Variants in CLYBL observed in about 807,000 individuals in gnomAD.
CLYBL encodes citramalyl-CoA lyase, also known as citramalyl-CoA lyase, mitochondrial.
A neutral mutation model predicts 38.9 loss-of-function variants in CLYBL; 31 were observed. That is an observed-to-expected ratio of 0.80 (90% confidence interval 0.60 to 1.08). The LOEUF is 1.08. Ranked by LOEUF, CLYBL falls within the 50% of genes least tolerant of loss-of-function variation. The pLI, the probability that CLYBL is intolerant of heterozygous loss-of-function variation, is 0.00. For missense variants in CLYBL, 434 were observed against 411.6 expected (o/e 1.05, Z -0.47); for synonymous variants, 171 against 158.6 (o/e 1.08, Z -0.59).
At chr13:99,726,083 TCA>T (rs2048467937) in intron 1 of CLYBL, among the ~76,000 whole-genome samples, 1 of 152,238 alleles carries the variant, frequency 6.6e-6, no homozygotes, top group African/African-American at 2.4e-5. Flanking sequence ...AGAATTAATT[TCA>T]GAGTATGTTT....
intron 2 of CLYBL, among the ~76,000 whole-genome samples, chr13:99,842,584 A>G (rs1284209449): frequency 5.3e-5 from 8 of 152,152 alleles, no homozygotes; most frequent in African/African-American, 1.2e-4. Context: ...CCAGTCCTCA[A>G]TGTGGTCAGA....
intron 1 of CLYBL, among the ~76,000 whole-genome samples, chr13:99,729,868 C>T (rs745915044): frequency 6.6e-6 from 1 of 151,366 alleles, no homozygotes; most frequent in Non-Finnish European, 1.5e-5. Context: ...CCGCCAGCCT[C>T]GGCACCGCTT....
At chr13:99,649,262 C>G (rs1006493144) in intron 1 of CLYBL, among the ~76,000 whole-genome samples, 2 of 152,122 alleles carry the variant, frequency 1.3e-5, no homozygotes, top group Non-Finnish European at 2.9e-5. Flanking sequence ...CTGTGTTGTA[C>G]TATTAATAGC....
intron 1 of CLYBL, among the ~76,000 whole-genome samples, chr13:99,710,847 G>T (rs149751982): frequency 2.7e-5 from 4 of 149,552 alleles, no homozygotes; most frequent in African/African-American, 9.8e-5. Flanking sequence ...TCAAGCTATC[G>T]ACAAGTCTCC....
At chr13:99,807,712 C>T (rs114401457) in intron 2 of CLYBL, among the ~76,000 whole-genome samples, 322 of 151,878 alleles carry the variant, frequency 2.1e-3, no homozygotes, top group African/African-American at 7.2e-3. Context: ...TGGTGATGGA[C>T]GGTGGTGATG....
intron 1 of CLYBL, among the ~76,000 whole-genome samples, chr13:99,683,865 A>G (rs897493786): frequency 2.0e-5 from 3 of 150,198 alleles, no homozygotes; most frequent in Non-Finnish European, 4.4e-5. Context: ...TGCTATATAT[A>G]TATAAAATTT....
chr13:99,750,728 C>CT (rs1555299689), intron 1 of CLYBL, among the ~76,000 whole-genome samples: 50,502 of 123,420 alleles, frequency 0.41, 9,414 homozygotes, highest in Middle Eastern at 0.55. Flanking sequence ...ATAATGCCCT[C>CT]TTTTTTTAAA....
intron 2 of CLYBL, among the ~76,000 whole-genome samples, chr13:99,794,023 C>G (rs2049972152): frequency 1.3e-5 from 2 of 152,322 alleles, no homozygotes; most frequent in South Asian, 2.1e-4. Flanking sequence ...GTTACTTATT[C>G]CAAATATAGC....
At chr13:99,754,796 G>A (rs1040549027) in intron 1 of CLYBL, among the ~76,000 whole-genome samples, 1 of 141,762 alleles carries the variant, frequency 7.1e-6, no homozygotes, top group African/African-American at 2.6e-5. Flanking sequence ...GTTTTACCGT[G>A]TTGGCCAGAC....
chr13:99,839,718 A>T (rs1297960665), intron 2 of CLYBL, among the ~76,000 whole-genome samples: 1 of 151,974 alleles, frequency 6.6e-6, no homozygotes, highest in African/African-American at 2.4e-5. Flanking sequence ...AGGTATATAT[A>T]TATTTATGGG....
intron 2 of CLYBL, among the ~76,000 whole-genome samples, chr13:99,855,337 CT>C (rs2051434904): frequency 6.6e-6 from 1 of 152,146 alleles, no homozygotes; most frequent in Admixed American, 6.5e-5. Context: ...CCTTAATTTC[CT>C]TTTTCTCCTT....
At chr13:99,713,830 C>A (rs1035614229) in intron 1 of CLYBL, among the ~76,000 whole-genome samples, 5 of 150,638 alleles carry the variant, frequency 3.3e-5, no homozygotes, top group Non-Finnish European at 7.4e-5. Flanking sequence ...ACTACAGGCA[C>A]AAGACAGTAT....
chr13:99,662,037 G>A (rs2047416011), intron 1 of CLYBL, among the ~76,000 whole-genome samples: 1 of 152,148 alleles, frequency 6.6e-6, no homozygotes, highest in Non-Finnish European at 1.5e-5. Context: ...GGAATTTATT[G>A]GGAGACCAAT....
intron 1 of CLYBL, among the ~76,000 whole-genome samples, chr13:99,675,112 A>G (rs1463919433): frequency 6.6e-6 from 1 of 152,200 alleles, no homozygotes; most frequent in Non-Finnish European, 1.5e-5. Context: ...GACCTTGACA[A>G]GAGCAGATTT....
chr13:99,879,284 C>G (rs1330915162), intron 7 of CLYBL, among the ~76,000 whole-genome samples: 1 of 152,162 alleles, frequency 6.6e-6, no homozygotes, highest in Non-Finnish European at 1.5e-5. Context: ...TTCATCCTGC[C>G]TTTGTAAAAA....
downstream of CLYBL, among the ~76,000 whole-genome samples, chr13:99,898,385 C>T (rs2052606537): frequency 6.6e-6 from 1 of 152,166 alleles, no homozygotes; most frequent in Non-Finnish European, 1.5e-5. Flanking sequence ...CTTTTGAGTT[C>T]TGTGAAAGGA....
At chr13:99,868,274 G>A (rs1200171209) in intron 6 of CLYBL, among the ~76,000 whole-genome samples, 1 of 152,144 alleles carries the variant, frequency 6.6e-6, no homozygotes, top group Non-Finnish European at 1.5e-5. Flanking sequence ...CTGATAATAA[G>A]ATAGATTATT....
At chr13:99,654,866 A>C (rs570439153) in intron 1 of CLYBL, among the ~76,000 whole-genome samples, 1 of 151,772 alleles carries the variant, frequency 6.6e-6, no homozygotes, top group African/African-American at 2.4e-5. Context: ...TTAGCTGGGC[A>C]TGGTGGCGGG....
chr13:99,646,342 G>A (rs1349000844), intron 1 of CLYBL, among the ~76,000 whole-genome samples: 2 of 151,982 alleles, frequency 1.3e-5, no homozygotes, highest in Non-Finnish European at 2.9e-5. Flanking sequence ...GGGGAAGAAG[G>A]GTTGCTGAAG....
Sources: gnomAD v4.1 joint callset for allele counts (sites outside exome capture counted in the v4.1 genomes callset) on GRCh38, gnomAD v4.1.1 for gene constraint, MANE v1.5 for transcripts, NCBI Gene and HGNC (gene_info 2026-07-23, HGNC 2026-07-21) for gene names.